The following NOL10 variants were observed in gnomAD, a reference collection of about 807,000 sequenced individuals.
NOL10 encodes the protein nucleolar protein 10, also known as H_NH0074G24.1.
Under a neutral mutation model 103.5 loss-of-function variants are expected in NOL10, and 58 were observed. The ratio of observed to expected loss-of-function variants is 0.56; its 90% CI spans 0.45 to 0.70. NOL10 has a LOEUF of 0.70. Ranked by LOEUF, NOL10 falls within the 30% of genes least tolerant of loss-of-function variation. NOL10 has a pLI of 0.00. For synonymous variants in NOL10, 287 were observed against 282.5 expected (o/e 1.02, Z -0.16); for missense variants, 763 against 807.3 (o/e 0.95, Z 0.67).
intron 14 of NOL10, among the ~76,000 whole-genome samples, chr2:10,604,142 G>C (rs13017433): frequency 0.063 from 9,518 of 152,230 alleles, 505 homozygotes; most frequent in Admixed American, 0.15. Context: ...GCCACGGCTG[G>C]CAGGAGGCGG....
intron 19 of NOL10, among the ~76,000 whole-genome samples, chr2:10,579,873 C>T (rs913083426): frequency 1.3e-5 from 2 of 152,154 alleles, no homozygotes; most frequent in Non-Finnish European, 2.9e-5. Context: ...AAGAAAAAGA[C>T]TTTGCCAGTA....
At chr2:10,623,709 C>T (rs964552432) in intron 13 of NOL10, among the ~76,000 whole-genome samples, 1 of 152,120 alleles carries the variant, frequency 6.6e-6, no homozygotes, top group African/African-American at 2.4e-5. Flanking sequence ...CCCAGCCCCC[C>T]AAATACTCAA....
intron 13 of NOL10, among the ~76,000 whole-genome samples, chr2:10,621,442 A>C (rs1033152624): frequency 9.2e-5 from 14 of 152,070 alleles, no homozygotes; most frequent in African/African-American, 2.7e-4. Context: ...AAACATACGA[A>C]AATTATCTGG....
At chr2:10,683,400 C>A (rs990898546) in intron 2 of NOL10, among the ~76,000 whole-genome samples, 46 of 152,300 alleles carry the variant, frequency 3.0e-4, no homozygotes, top group African/African-American at 1.0e-3. Context: ...ATGTAAAATT[C>A]CTTTCTTCAA....
At chr2:10,572,261 G>C in intron 20 of NOL10, 71 bp from the exon 21 acceptor site, 2 of 1,522,848 alleles carry the variant, frequency 1.3e-6, no homozygotes, top group Non-Finnish European at 1.8e-6. Context: ...TAACCGTCAG[G>C]CTGCCAACAG....
chr2:10,580,990 T>G (rs1674720191), intron 19 of NOL10, among the ~76,000 whole-genome samples: 1 of 152,202 alleles, frequency 6.6e-6, no homozygotes, highest in Non-Finnish European at 1.5e-5. Flanking sequence ...TAAATTTAAT[T>G]TTAAGTACTT....
intron 1 of NOL10, among the ~76,000 whole-genome samples, chr2:10,689,277 T>A (rs1457443162): frequency 6.6e-6 from 1 of 152,214 alleles, no homozygotes; most frequent in East Asian, 1.9e-4. Context: ...TCTCCAACTT[T>A]AAGACTAGGA....
At chr2:10,657,056 C>T (rs1382364574) in intron 11 of NOL10, among the ~76,000 whole-genome samples, 2 of 152,100 alleles carry the variant, frequency 1.3e-5, no homozygotes, top group East Asian at 1.9e-4. Context: ...AGGTGGCTCA[C>T]GCCTGTAATC....
chr2:10,673,878 A>G (rs1374126595), intron 4 of NOL10, among the ~76,000 whole-genome samples: 1 of 152,222 alleles, frequency 6.6e-6, no homozygotes, highest in Non-Finnish European at 1.5e-5. Flanking sequence ...TCAAATATAC[A>G]TTAAAGAACA....
intron 13 of NOL10, among the ~76,000 whole-genome samples, chr2:10,642,982 A>G (rs35859525): frequency 0.32 from 49,320 of 152,100 alleles, 8,289 homozygotes; most frequent in Non-Finnish European, 0.36. Flanking sequence ...TACTGCCAGC[A>G]TACAGCATCG....
intron 19 of NOL10, among the ~76,000 whole-genome samples, chr2:10,581,280 C>T (rs1019842291): frequency 7.2e-5 from 11 of 152,090 alleles, no homozygotes; most frequent in African/African-American, 2.7e-4. Flanking sequence ...TCTCTTATCG[C>T]ATACCCCCGC....
At chr2:10,638,313 G>A (rs1167172660) in intron 13 of NOL10, among the ~76,000 whole-genome samples, 2 of 135,380 alleles carry the variant, frequency 1.5e-5, no homozygotes, top group African/African-American at 6.7e-5. Context: ...GTGACGTGAC[G>A]TGACGTGACG....
Position 10,671,622 on chromosome 2 carries a change from T to C in NOL10, c.396A>G (p.Arg132=). Reference sequence around the variant, plus strand: ...AGAAATCTCTCCCAAACTTTGGTATTCTGGTTTTGTAGTAAAAACCTGATT... The same window carrying C: ...AGAAATCTCTCCCAAACTTTGGTATCCTGGTTTTGTAGTAAAAACCTGATT... ...HSQSGFYYKT[R]IPKFGRDFSY... Residue 132 remains arginine (R), a synonymous_variant, in exon 6 of 21, where the codon AGA becomes AGG. Transcript: ENST00000381685. 6.3e-7 allele frequency: 1 copy of C among 1,596,926 alleles called. No homozygotes were observed. Among genetic ancestry groups the C allele is most frequent in the Non-Finnish European group, 8.5e-7 (1 of 1,170,856 alleles).
chr2:10,581,358 G>T (rs116257094), intron 19 of NOL10, among the ~76,000 whole-genome samples: 6,018 of 152,080 alleles, frequency 0.04, 236 homozygotes, highest in African/African-American at 0.1. Context: ...ACACACATTT[G>T]CGACTGTGAA....
rs951656428 is a variant in NOL10, at chr2:10,600,962, T to A, written c.1333-20A>T. On this transcript the variant is annotated intron_variant, in intron 16 of 20. Transcript: ENST00000381685. ...CAATTTCTAGAGAGAAAATAAAAGC[T>A]GGTATTTTATTTTATTTTAAAAGCT... 7.2e-7 allele frequency: 1 copy of A among 1,392,712 alleles called. No homozygotes were observed. Among genetic ancestry groups the A allele is most frequent in the Non-Finnish European group, 9.9e-7 (1 of 1,010,614 alleles). The allele number at this position is 1,392,712 out of a possible 1,614,324, so 86.3% of individuals were successfully genotyped here.
chr2:10,625,488 G>C (rs1318616379), intron 13 of NOL10, among the ~76,000 whole-genome samples: 13 of 152,184 alleles, frequency 8.5e-5, no homozygotes, highest in Admixed American at 8.5e-4. Flanking sequence ...AACATGGACA[G>C]GCAGATCTAA....
Position 10,667,947 on chromosome 2 carries a change from C to T in NOL10, c.531-669G>A, listed in dbSNP as rs7578672. Among the ~76,000 whole-genome samples the T allele has an allele frequency of 4.7e-3, 717 of 152,168 alleles. 7 individuals are homozygous for T. The highest frequency in any genetic ancestry group is 0.016 in the African/African-American group (684 of 41,516). On this transcript the variant is annotated intron_variant, in intron 7 of 20. Coordinates refer to ENST00000381685, the MANE Select transcript of NOL10 (RefSeq NM_024894.4). ...CTTTAAAAATCCTCTCAAAGCAATA[C>T]GAGAAATTCAGCAAGCTCTTCATAT...
chr2:10,594,903 G>A (rs963060401), intron 17 of NOL10, among the ~76,000 whole-genome samples: 1 of 152,086 alleles, frequency 6.6e-6, no homozygotes, highest in Non-Finnish European at 1.5e-5. Flanking sequence ...AGGCTGAGGT[G>A]AGAGGATCAC....
chr2:10,622,059 C>A (rs1316717625), intron 13 of NOL10: 1 of 471,022 alleles, frequency 2.1e-6, no homozygotes, highest in Non-Finnish European at 4.4e-6. Flanking sequence ...GGCTACCACA[C>A]AGGACACAGC....
Sources: gnomAD v4.1 joint callset for allele counts (sites outside exome capture counted in the v4.1 genomes callset) on GRCh38, gnomAD v4.1.1 for gene constraint, MANE v1.5 for transcripts, NCBI Gene and HGNC (gene_info 2026-07-23, HGNC 2026-07-21) for gene names.